Variants in ADAM19 observed in about 807,000 individuals in gnomAD.
ADAM19 encodes disintegrin and metalloproteinase domain-containing protein 19.
A neutral mutation model predicts 114.7 loss-of-function variants in ADAM19; 65 were observed. The observed-to-expected ratio is 0.57, with a 90% CI of 0.46 to 0.70. The LOEUF (loss-of-function observed/expected upper bound fraction) is 0.70, where lower values mean the gene tolerates loss of function less well. Ranked by LOEUF, ADAM19 falls within the 30% of genes least tolerant of loss-of-function variation. The probability of loss-of-function intolerance (pLI) is 0.00; values close to 1 mark genes in which losing one functional copy is unlikely to be tolerated. For synonymous variants in ADAM19, 466 were observed against 460.5 expected (o/e 1.01, Z -0.15); for missense variants, 1,063 against 1,204.7 (o/e 0.88, Z 1.74).
At chr5:157,501,686 G>GTCCC in intron 12 of ADAM19, among the ~76,000 whole-genome samples, 1 of 152,172 alleles carries the variant, frequency 6.6e-6, no homozygotes, top group East Asian at 1.9e-4. Context: ...GGTGGGGGTG[G>GTCCC]CATCCTTGAC....
chr5:157,564,869 A>G (rs1581358981), intron 2 of ADAM19, among the ~76,000 whole-genome samples: 2 of 152,188 alleles, frequency 1.3e-5, no homozygotes, highest in Non-Finnish European at 2.9e-5. Context: ...GTAATAGTCA[A>G]TTTGATGGGG....
chr5:157,555,870 T>C (rs913098200), intron 3 of ADAM19, among the ~76,000 whole-genome samples: 8 of 152,364 alleles, frequency 5.3e-5, no homozygotes, highest in Non-Finnish European at 1.0e-4. Context: ...CCTTGGCTCA[T>C]GGCTGCACCA....
intron 2 of ADAM19, among the ~76,000 whole-genome samples, chr5:157,567,196 C>G (rs1757687710): frequency 6.6e-6 from 1 of 152,270 alleles, no homozygotes; most frequent in South Asian, 2.1e-4. Context: ...TTTGAGGTCA[C>G]CAAGGGCTCT....
chr5:157,548,748 G>T (rs1757111359), intron 3 of ADAM19, among the ~76,000 whole-genome samples: 1 of 152,218 alleles, frequency 6.6e-6, no homozygotes, highest in African/African-American at 2.4e-5. Flanking sequence ...ATCTGTCCAG[G>T]GGCCACATTG....
rs6876891 is a variant in ADAM19, at chr5:157,557,060, T to C, written c.251+7313A>G. Among the ~76,000 whole-genome samples the C allele has an allele frequency of 8.4e-3, 1,275 of 151,518 alleles. 24 individuals carry two copies. Among genetic ancestry groups the C allele is most frequent in the African/African-American group, 0.03 (1,224 of 41,240 alleles). Reference sequence around the variant, plus strand: ...CATGCCTGGCTAATTTTTGTGGGGGTTTTTTGTTTGTTTGGTTGGTTGGTT... The same window carrying C: ...CATGCCTGGCTAATTTTTGTGGGGGCTTTTTGTTTGTTTGGTTGGTTGGTT... On this transcript the variant is annotated intron_variant, in intron 3 of 22. Transcript: ENST00000257527.
intron 21 of ADAM19, among the ~76,000 whole-genome samples, chr5:157,486,499 C>T (rs1754937620): frequency 6.6e-6 from 1 of 152,124 alleles, no homozygotes; most frequent in African/African-American, 2.4e-5. Context: ...GGTGCAGGTG[C>T]AGGGTATGCA....
chr5:157,547,267 C>G (rs200476062), intron 3 of ADAM19, among the ~76,000 whole-genome samples: 1 of 152,152 alleles, frequency 6.6e-6, no homozygotes, highest in East Asian at 1.9e-4. Context: ...AAGGTCCCAC[C>G]ACAAGCTAAG....
intron 11 of ADAM19, among the ~76,000 whole-genome samples, chr5:157,505,118 C>CA (rs775250955): frequency 0.012 from 1,000 of 86,718 alleles, 29 homozygotes; most frequent in African/African-American, 0.032. Flanking sequence ...GACTCTGTCT[C>CA]AAAAAAAAAA....
intron 4 of ADAM19, among the ~76,000 whole-genome samples, chr5:157,535,166 G>T (rs1018891616): frequency 6.6e-6 from 1 of 152,240 alleles, no homozygotes; most frequent in Non-Finnish European, 1.5e-5. Flanking sequence ...CTCAACACTA[G>T]TGTGGTCAAG....
Position 157,527,500 on chromosome 5 carries a change from G to A in ADAM19, c.407+3307C>T, listed in dbSNP as rs866890972. On this transcript the variant is annotated intron_variant, in intron 5 of 22. Coordinates refer to ENST00000257527, the MANE Select transcript of ADAM19 (RefSeq NM_033274.5). Reference sequence around the variant, plus strand: ...GCTGGGATTACAGGCGTAAGCCACCGCACCCGGCCAGAAACTGACACTTTT... The same window carrying A: ...GCTGGGATTACAGGCGTAAGCCACCACACCCGGCCAGAAACTGACACTTTT... Among the ~76,000 whole-genome samples, 12 of 152,220 alleles carry A rather than the reference G, an allele frequency of 7.9e-5. No individual in the cohort carries two copies. The Middle Eastern group carries it at 0.014, about 173-fold the overall frequency.
At position 157,546,770 on chromosome 5, in the gene ADAM19, G is replaced by A. The variant is rs924670430; in HGVS notation, c.252-8779C>T. On this transcript the variant is annotated intron_variant, in intron 3 of 22. Coordinates refer to ENST00000257527, the MANE Select transcript of ADAM19 (RefSeq NM_033274.5). ...TGCCAGTTTTCTGCAAGGAGGAAAGGGGGGAAGTGAGACACATGGGAGCCA... is the reference window on the plus strand; with the variant it reads ...TGCCAGTTTTCTGCAAGGAGGAAAGAGGGGAAGTGAGACACATGGGAGCCA... 3.3e-5 allele frequency among the ~76,000 whole-genome samples: 5 copies of A among 152,354 alleles called. No homozygotes were observed. The South Asian group carries it at 8.3e-4, about 25-fold the overall frequency.
intron 1 of ADAM19, 110 bp downstream of exon 1, chr5:157,575,493 G>C: frequency 1.3e-6 from 1 of 754,042 alleles, no homozygotes; most frequent in South Asian, 2.6e-5. Context: ...CGCAGGCCCC[G>C]CGGAGTTGCG....
intron 18 of ADAM19, 102 bp from the exon 19 acceptor site, chr5:157,490,556 T>C (rs997073520): frequency 4.4e-6 from 6 of 1,375,710 alleles, no homozygotes; most frequent in Non-Finnish European, 6.0e-6. Flanking sequence ...TTGATTTGCA[T>C]TTAATTTGTA....
At chr5:157,558,675 AG>A (rs1478022300) in intron 3 of ADAM19, among the ~76,000 whole-genome samples, 2 of 152,200 alleles carry the variant, frequency 1.3e-5, no homozygotes, top group African/African-American at 4.8e-5. Context: ...CCTGGGAGGA[AG>A]CTGGGAGGGT....
intron 7 of ADAM19, among the ~76,000 whole-genome samples, chr5:157,515,531 C>T (rs896053249): frequency 6.6e-6 from 1 of 152,148 alleles, no homozygotes; most frequent in Non-Finnish European, 1.5e-5. Context: ...AATACAGACA[C>T]CTGTATATAT....
chr5:157,502,600 C>T (rs1455923484), intron 12 of ADAM19, among the ~76,000 whole-genome samples: 1 of 152,200 alleles, frequency 6.6e-6, no homozygotes, highest in Non-Finnish European at 1.5e-5. Context: ...TGGACACTAG[C>T]GATGCTGGCC....
In ADAM19 at chr5:157,509,320, C is replaced by G; in HGVS notation, c.886G>C (p.Asp296His). The G allele has an allele frequency of 6.2e-7, 1 of 1,610,622 alleles. No homozygotes were observed. The highest frequency in any genetic ancestry group is 8.5e-7 in the Non-Finnish European group (1 of 1,178,000). Reference protein sequence around the residue: ...RRKLLAQKYHDNAQLITGMSF... With the variant: ...RRKLLAQKYHHNAQLITGMSF... ...ATTTACGTGATTAATTGGGCGTTGT[C>G]ATGGTACTTCTGGGCAAGCAGCTTG... The change falls in exon 9 of 23, where the codon GAC becomes CAC. Residue 296 changes from aspartate (D) to histidine (H), a missense_variant. Around this residue, in one of 3 missense-constraint regions of ADAM19, gnomAD observed 615 missense variants for 706.3 expected, o/e 0.87. Coordinates refer to ENST00000257527, the MANE Select transcript of ADAM19 (RefSeq NM_033274.5).
chr5:157,517,287 T>C (rs1485013389), intron 7 of ADAM19, among the ~76,000 whole-genome samples: 2 of 152,166 alleles, frequency 1.3e-5, no homozygotes, highest in African/African-American at 4.8e-5. Flanking sequence ...CTAAACTATG[T>C]GGATGGGATA....
chr5:157,480,709 C>G lies in ADAM19; in HGVS notation c.*240G>C. ...CCTCCTCATACTCTCCCCTCCCTAC[C>G]TGGGGCTGTATATTGCACAAAACAA... On this transcript the variant is annotated 3_prime_UTR_variant, in exon 23 of 23. Coordinates refer to ENST00000257527, the MANE Select transcript of ADAM19 (RefSeq NM_033274.5). 7.5e-7 allele frequency: 1 copy of G among 1,335,582 alleles called. No individual in the cohort carries two copies. Among genetic ancestry groups the G allele is most frequent in the Non-Finnish European group, 9.6e-7 (1 of 1,041,966 alleles). The allele number at this position is 1,335,582 out of a possible 1,614,324, so 82.7% of individuals were successfully genotyped here.
Sources: allele counts gnomAD v4.1 joint callset (sites outside exome capture counted in the v4.1 genomes callset), GRCh38; gene constraint gnomAD v4.1.1; regional missense constraint gnomAD v4.1.1; transcripts MANE v1.5; gene names NCBI Gene and HGNC (gene_info 2026-07-23, HGNC 2026-07-21).